TRIOBP: variants seen among roughly 807,000 people sequenced by gnomAD.
TRIOBP encodes the protein TRIO and F-actin-binding protein.
A neutral mutation model predicts 238.8 loss-of-function variants in TRIOBP; 169 were observed. The ratio of observed to expected loss-of-function variants is 0.71; its 90% CI spans 0.62 to 0.80. TRIOBP has a LOEUF of 0.80. Among genes scored for constraint, TRIOBP ranks in the 30% least tolerant of loss-of-function variants. The pLI, the probability that TRIOBP is intolerant of heterozygous loss-of-function variation, is 0.00. For synonymous variants in TRIOBP, 1,150 were observed against 1,274.4 expected (o/e 0.90, Z 2.08); for missense variants, 2,838 against 3,122.6 (o/e 0.91, Z 2.17).
chr22:37,724,809 G>C lies in TRIOBP; in HGVS notation c.2253G>C (p.Arg751=), dbSNP rs1924039147. The C allele has an allele frequency of 5.0e-6, 8 of 1,611,984 alleles. No homozygotes were observed. The East Asian group carries it at 1.8e-4, about 36-fold the overall frequency. Residue 751 remains arginine (R), a synonymous_variant, in exon 7 of 24, where the codon CGG becomes CGC. Transcript: ENST00000644935. The stretch of plus-strand genomic sequence containing the variant: ...ACCCCAGAACATCCTGTGCCCAGCG[G>C]GACAATCCCAGAGCCTCCTCTCCTA... ...RDNPRTSCAQ[R]DNPRASSPNR...
intron 16 of TRIOBP, 98 bp from the exon 17 acceptor site, chr22:37,759,056 T>G: frequency 2.0e-6 from 2 of 998,646 alleles, no homozygotes; most frequent in Non-Finnish European, 3.1e-6. Context: ...ACGCTGGGCT[T>G]GTATCCGTGT....
In TRIOBP at chr22:37,772,615, C is replaced by T. The variant is rs369234340; in HGVS notation, c.6951C>T (p.Thr2317=). Residue 2317 remains threonine (T), a synonymous_variant, in exon 23 of 24, where the codon ACC becomes ACT. Transcript: ENST00000644935. ...LQMMQKDKRF[T]SGKYQDVYVE... The stretch of plus-strand genomic sequence containing the variant: ...CTGCCCCCCAGGACAAGCGCTTCAC[C>T]TCGGGAAAGTACCAGGACGTCTATG... 53 of 1,614,118 alleles carry T rather than the reference C, an allele frequency of 3.3e-5. No individual in the cohort carries two copies. The highest frequency in any genetic ancestry group is 3.3e-4 in the Middle Eastern group (2 of 6,062).
At position 37,711,286 on chromosome 22, in the gene TRIOBP, A is replaced by G. The variant is rs147963126; in HGVS notation, c.254+720A>G. On this transcript the variant is annotated intron_variant, in intron 4 of 23. Transcript: ENST00000644935. ...TAGGCATATTAAAACAAACAAACAA[A>G]CAAAAAAACAGCCTGGGTGCAGTGG... is the stretch of plus-strand genomic sequence containing the variant. 5.0e-3 allele frequency among the ~76,000 whole-genome samples: 762 copies of G among 152,186 alleles called. 3 individuals are homozygous for G. Among genetic ancestry groups the G allele is most frequent in the Middle Eastern group, 0.01 (3 of 294 alleles).
chr22:37,767,242 C>T (rs1926544866), intron 18 of TRIOBP, among the ~76,000 whole-genome samples: 1 of 87,354 alleles, frequency 1.1e-5, no homozygotes, highest in Non-Finnish European at 3.1e-5. Flanking sequence ...CAGAGTGAGA[C>T]TCCGTCTCCT....
chr22:37,754,980 A>T lies in TRIOBP; in HGVS notation c.5483A>T (p.Glu1828Val). ...AAATATTACAGAGACTCCACTGCTG[A>T]GGAGGTGAGGCCATGGGTGTACTGA... is the stretch of plus-strand genomic sequence containing the variant. ...SLKYYRDSTA[E>V]EADELDGEID... Residue 1828 changes from glutamate to valine, a missense_variant, in exon 13 of 24, where the codon GAG (glutamate) becomes GTG (valine). Around this residue, in one of 5 missense-constraint regions of TRIOBP, gnomAD observed 2,096 missense variants for 2,137.4 expected, o/e 0.98. Coordinates refer to ENST00000644935, the MANE Select transcript of TRIOBP (RefSeq NM_001039141.3). 1.2e-6 allele frequency: 2 copies of T among 1,614,078 alleles called. No individual in the cohort carries two copies. Among genetic ancestry groups the T allele is most frequent in the Non-Finnish European group, 1.7e-6 (2 of 1,179,986 alleles).
chr22:37,772,598 C>A lies in TRIOBP; in HGVS notation c.6937-3C>A. ...GCCCTCATACCTGCCTCCTGCCCCCCAGGACAAGCGCTTCACCTCGGGAAA... is the reference window on the plus strand; with the variant it reads ...GCCCTCATACCTGCCTCCTGCCCCCAAGGACAAGCGCTTCACCTCGGGAAA... On this transcript the variant is annotated splice_region_variant and splice_polypyrimidine_tract_variant and intron_variant, in intron 22 of 23. Coordinates refer to ENST00000644935, the MANE Select transcript of TRIOBP (RefSeq NM_001039141.3). The A allele has an allele frequency of 1.2e-6, 2 of 1,614,080 alleles. No individual in the cohort carries two copies. Among genetic ancestry groups the A allele is most frequent in the East Asian group, 4.5e-5 (2 of 44,868 alleles).
rs749439001 is a variant in TRIOBP at position 37,723,881 on chromosome 22, C to T, written c.1325C>T (p.Ser442Phe). ...CAQRDNPRASSPSRATRDNPT... is the reference protein window; with the variant it reads ...CAQRDNPRASFPSRATRDNPT... Reference sequence around the variant, plus strand: ...CAGCGGGACAATCCCAGAGCCTCCTCTCCCAGTAGAGCTACACGAGACAAC... The same window carrying T: ...CAGCGGGACAATCCCAGAGCCTCCTTTCCCAGTAGAGCTACACGAGACAAC... Residue 442 changes from serine (S) to phenylalanine (F), a missense_variant, in exon 7 of 24, where the codon TCT becomes TTT. Physicochemically the swap from Ser to Phe is radical, Grantham distance 155. Transcript: ENST00000644935. 21 of 1,586,442 alleles carry T rather than the reference C, an allele frequency of 1.3e-5. 1 individual carries two copies. Among genetic ancestry groups the T allele is most frequent in the Non-Finnish European group, 1.7e-5 (20 of 1,165,332 alleles).
At chr22:37,770,623 C>G (rs1017836911) in intron 21 of TRIOBP, among the ~76,000 whole-genome samples, 1 of 151,976 alleles carries the variant, frequency 6.6e-6, no homozygotes, top group Non-Finnish European at 1.5e-5. Flanking sequence ...GTGATCCGCC[C>G]ACTTCGGCCT....
chr22:37,753,387 G>T (rs1269795841), intron 12 of TRIOBP, among the ~76,000 whole-genome samples: 2 of 152,004 alleles, frequency 1.3e-5, no homozygotes, highest in African/African-American at 4.8e-5. Flanking sequence ...CGATTCTCCT[G>T]CCTCAGCCTC....
chr22:37,758,030 G>A lies in TRIOBP; in HGVS notation c.6105G>A (p.Lys2035=), dbSNP rs1426623393. 6.2e-7 allele frequency: 1 copy of A among 1,611,266 alleles called. No individual in the cohort carries two copies. Among genetic ancestry groups the A allele is most frequent in the East Asian group, 2.2e-5 (1 of 44,826 alleles). ...EIEKKWQELE[K]LPLRENKRVP... Reference sequence around the variant, plus strand: ...AGAAGAAGTGGCAGGAGCTGGAGAAGCTGCCCCTGCGGGAGAATAAGCGGG... The same window carrying A: ...AGAAGAAGTGGCAGGAGCTGGAGAAACTGCCCCTGCGGGAGAATAAGCGGG... Residue 2035 remains lysine, a synonymous_variant, in exon 16 of 24, where the codon AAG becomes AAA. Transcript: ENST00000644935.
In TRIOBP at chr22:37,757,707, A is replaced by G. The variant is rs781135139; in HGVS notation, c.5782A>G (p.Ile1928Val). Residue 1928 changes from isoleucine (I) to valine (V), a missense_variant, in exon 16 of 24, where the codon ATC (isoleucine) becomes GTC (valine). Around this residue, in one of 5 missense-constraint regions of TRIOBP, gnomAD observed 2,096 missense variants for 2,137.4 expected, o/e 0.98. Transcript: ENST00000644935. Reference sequence around the variant, plus strand: ...GGAGCAGCGGGCGGGCTCTGAGGTCATCAGCCGGGGTGGCCCTCGGAAGGC... The same window carrying G: ...GGAGCAGCGGGCGGGCTCTGAGGTCGTCAGCCGGGGTGGCCCTCGGAAGGC... ...AGEQRAGSEV[I>V]SRGGPRKADG... 5.7e-6 allele frequency: 9 copies of G among 1,581,918 alleles called. No individual in the cohort carries two copies. The Admixed American group carries it at 1.6e-4, about 29-fold the overall frequency.
rs748323434 is a variant in TRIOBP, at chr22:37,715,948, C to A, written c.628+14C>A. 6 of 1,611,942 alleles carry A rather than the reference C, an allele frequency of 3.7e-6. No individual in the cohort carries two copies. Among genetic ancestry groups the A allele is most frequent in the Non-Finnish European group, 5.1e-6 (6 of 1,179,752 alleles). On this transcript the variant is annotated intron_variant, in intron 6 of 23. Transcript: ENST00000644935. ...AGAAAAAGGAGGGTGAGTCCTTCTG[C>A]CAGGTTGGTTCCCATGGTGATGGCC...
intron 11 of TRIOBP, chr22:37,746,182 C>T (rs1925239405): frequency 2.9e-6 from 3 of 1,032,682 alleles, no homozygotes. Flanking sequence ...TCCCCGCCAC[C>T]CATTGGCCCG....
chr22:37,711,872 G>A (rs1019031751), intron 4 of TRIOBP, among the ~76,000 whole-genome samples: 15 of 152,112 alleles, frequency 9.9e-5, no homozygotes, highest in African/African-American at 3.1e-4. Flanking sequence ...TACTGCCAGC[G>A]CTAAGCCTTC....
intron 4 of TRIOBP, 139 bp from the exon 5 acceptor site, chr22:37,713,071 G>C: frequency 1.5e-6 from 1 of 674,362 alleles, no homozygotes; most frequent in Non-Finnish European, 2.5e-6. Flanking sequence ...CTGACACAGA[G>C]GCAGCTCTCA....
Position 37,751,836 on chromosome 22 carries a change from GAC to G in TRIOBP, c.5379+9_5379+10del. The G allele has an allele frequency of 6.2e-7, 1 of 1,610,116 alleles. No individual in the cohort carries two copies. Among genetic ancestry groups the G allele is most frequent in the East Asian group, 2.2e-5 (1 of 44,600 alleles). Reference sequence around the variant, plus strand: ...TTGGACGAGCCTGGAGAGGTAAGAGGACTGAGGCCGGAGGGGAGGAAGCTGGC... The same window carrying G: ...TTGGACGAGCCTGGAGAGGTAAGAGGTGAGGCCGGAGGGGAGGAAGCTGGC... On this transcript the variant is annotated intron_variant, in intron 12 of 23. Coordinates refer to ENST00000644935, the MANE Select transcript of TRIOBP (RefSeq NM_001039141.3).
chr22:37,739,782 C>T (rs56728668), intron 10 of TRIOBP, among the ~76,000 whole-genome samples: 6,601 of 152,302 alleles, frequency 0.043, 183 homozygotes, highest in Middle Eastern at 0.082. Flanking sequence ...GACAACTTTG[C>T]TCTTCCTCTT....
chr22:37,731,518 G>A (rs1052328561), intron 7 of TRIOBP, among the ~76,000 whole-genome samples: 39 of 151,842 alleles, frequency 2.6e-4, no homozygotes, highest in Middle Eastern at 3.4e-3. Context: ...GTGCAGTGGC[G>A]CGATCTCAGC....
chr22:37,772,636 C>G lies in TRIOBP; in HGVS notation c.6972C>G (p.Val2324=), dbSNP rs1289050386. Residue 2324 remains valine (V), a synonymous_variant, in exon 23 of 24, where the codon GTC becomes GTG. Coordinates refer to ENST00000644935, the MANE Select transcript of TRIOBP (RefSeq NM_001039141.3). ...TCACCTCGGGAAAGTACCAGGACGT[C>G]TATGTGGAGCTGAGCCACATCAAGA... ...KRFTSGKYQD[V]YVELSHIKTR... 1.9e-6 allele frequency: 3 copies of G among 1,614,056 alleles called. No homozygotes were observed. Among genetic ancestry groups the G allele is most frequent in the Admixed American group, 1.7e-5 (1 of 60,010 alleles).
Sources: allele counts gnomAD v4.1 joint callset (sites outside exome capture counted in the v4.1 genomes callset), GRCh38; gene constraint gnomAD v4.1.1; regional missense constraint gnomAD v4.1.1; transcripts MANE v1.5; gene names NCBI Gene and HGNC (gene_info 2026-07-23, HGNC 2026-07-21).